NCK2: variants seen among roughly 807,000 people sequenced by gnomAD.
The protein encoded by NCK2 is NCK adaptor protein 2, also known as cytoplasmic protein NCK2.
NCK2 carries 16 observed loss-of-function variants against 33.9 expected under a neutral mutation model. The ratio of observed to expected loss-of-function variants is 0.47; its 90% CI spans 0.32 to 0.72. NCK2 has a LOEUF of 0.72. NCK2 is among the 30% of genes least tolerant of loss of function. The pLI, the probability that NCK2 is intolerant of heterozygous loss-of-function variation, is 0.03. For synonymous variants in NCK2, 273 were observed against 239.9 expected (o/e 1.14, Z -1.27); for missense variants, 418 against 537.3 (o/e 0.78, Z 2.19).
At chr2:105,832,872 T>C (rs1313818916) in intron 2 of NCK2, among the ~76,000 whole-genome samples, 2 of 151,718 alleles carry the variant, frequency 1.3e-5, no homozygotes, top group Non-Finnish European at 2.9e-5. Flanking sequence ...TTGTTTCGTT[T>C]CGTTTTTGTT....
At chr2:105,801,602 C>T (rs1415422132) in intron 1 of NCK2, among the ~76,000 whole-genome samples, 1 of 151,854 alleles carries the variant, frequency 6.6e-6, no homozygotes, top group Non-Finnish European at 1.5e-5. Context: ...GATGGTCTGA[C>T]CTGCATCCGC....
At chr2:105,803,127 C>T (rs1235166078) in intron 1 of NCK2, among the ~76,000 whole-genome samples, 1 of 152,040 alleles carries the variant, frequency 6.6e-6, no homozygotes, top group Non-Finnish European at 1.5e-5. Flanking sequence ...CTTGGGAAAG[C>T]AAGGTTAGGC....
At chr2:105,812,990 A>G (rs1207428598) in intron 1 of NCK2, among the ~76,000 whole-genome samples, 2 of 152,188 alleles carry the variant, frequency 1.3e-5, no homozygotes, top group East Asian at 3.9e-4. Flanking sequence ...GACAGATGGC[A>G]TCAGCAGATG....
chr2:105,765,284 T>G (rs1364806981), intron 1 of NCK2, among the ~76,000 whole-genome samples: 1 of 152,242 alleles, frequency 6.6e-6, no homozygotes, highest in Non-Finnish European at 1.5e-5. Flanking sequence ...CACTGCTGTT[T>G]TGAAAACAAA....
intron 3 of NCK2, among the ~76,000 whole-genome samples, chr2:105,880,450 A>G (rs1375421784): frequency 6.6e-6 from 1 of 152,184 alleles, no homozygotes; most frequent in African/African-American, 2.4e-5. Flanking sequence ...AGAAAGGTGA[A>G]GATGATGGGT....
intron 2 of NCK2, chr2:105,848,406 C>T (rs890322596): frequency 6.6e-6 from 1 of 152,144 alleles, no homozygotes. Flanking sequence ...GAGAGTTTAC[C>T]GGCAGCAGAT....
chr2:105,884,587 G>A (rs1478324251), intron 4 of NCK2, among the ~76,000 whole-genome samples: 2 of 152,192 alleles, frequency 1.3e-5, no homozygotes, highest in African/African-American at 4.8e-5. Context: ...GTGTAAATGA[G>A]CTAGACCCTT....
At chr2:105,884,232 T>G (rs969896101) in intron 4 of NCK2, among the ~76,000 whole-genome samples, 1 of 106,956 alleles carries the variant, frequency 9.3e-6, no homozygotes, top group African/African-American at 2.7e-5. Flanking sequence ...CCTTTGCTTG[T>G]TTTTTTCCCA....
rs1675777267 is a variant in NCK2 at position 105,822,439 on chromosome 2, A to G, written c.-17+5826A>G. On this transcript the variant is annotated intron_variant, in intron 2 of 4. Coordinates refer to ENST00000233154, the MANE Select transcript of NCK2 (RefSeq NM_003581.5). ...CAGGCCAGGGGACTTTGTATTTAAC[A>G]GCCACTTCCTGTGTGCTGAGGCCAT... 2.0e-5 allele frequency among the ~76,000 whole-genome samples: 3 copies of G among 152,112 alleles called. No homozygotes were observed. The Middle Eastern group carries it at 0.01, about 517-fold the overall frequency.
intron 1 of NCK2, among the ~76,000 whole-genome samples, chr2:105,768,547 C>G (rs970527222): frequency 6.6e-6 from 1 of 152,218 alleles, no homozygotes; most frequent in Admixed American, 6.5e-5. Flanking sequence ...TCACAGAACT[C>G]AGAAAGGCAC....
chr2:105,749,658 G>A (rs942032446), intron 1 of NCK2, among the ~76,000 whole-genome samples: 2 of 152,042 alleles, frequency 1.3e-5, no homozygotes, highest in Non-Finnish European at 2.9e-5. Flanking sequence ...CCTTTGCCGT[G>A]TCGCAGCTGT....
Position 105,776,354 on chromosome 2 carries a change from A to G in NCK2, c.-201+31216A>G, listed in dbSNP as rs142123150. 2.2e-4 allele frequency among the ~76,000 whole-genome samples: 33 copies of G among 152,350 alleles called. No homozygotes were observed. The East Asian group carries it at 6.2e-3, about 29-fold the overall frequency. Reference sequence around the variant, plus strand: ...TTCAACATCTTCTGGAAGCAGCCAAAGCACGTTTGGGGGAGGGAGTTCAGA... The same window carrying G: ...TTCAACATCTTCTGGAAGCAGCCAAGGCACGTTTGGGGGAGGGAGTTCAGA... On this transcript the variant is annotated intron_variant, in intron 1 of 4. Coordinates refer to ENST00000233154, the MANE Select transcript of NCK2 (RefSeq NM_003581.5).
At chr2:105,825,307 C>T (rs1017376006) in intron 2 of NCK2, among the ~76,000 whole-genome samples, 1 of 152,122 alleles carries the variant, frequency 6.6e-6, no homozygotes, top group Non-Finnish European at 1.5e-5. Flanking sequence ...CTTTCATTTG[C>T]GAGTTTTCAT....
chr2:105,770,024 G>T (rs564294905), intron 1 of NCK2, among the ~76,000 whole-genome samples: 1 of 151,654 alleles, frequency 6.6e-6, no homozygotes, highest in Non-Finnish European at 1.5e-5. Context: ...GGGTGATTGT[G>T]CAGAGTACAG....
At position 105,865,371 on chromosome 2, in the gene NCK2, G is replaced by A. The variant is rs72937737; in HGVS notation, c.226+10082G>A. Among the ~76,000 whole-genome samples, 504 of 152,290 alleles carry A rather than the reference G, an allele frequency of 3.3e-3. 2 individuals carry two copies. Among genetic ancestry groups the A allele is most frequent in the African/African-American group, 0.012 (483 of 41,572 alleles). The stretch of plus-strand genomic sequence containing the variant: ...TGAGGTGCCCAAGAACACACAGTAC[G>A]TGCTGGGACTGACATTTGAGCCCAG... On this transcript the variant is annotated intron_variant, in intron 3 of 4. Coordinates refer to ENST00000233154, the MANE Select transcript of NCK2 (RefSeq NM_003581.5).
At chr2:105,884,779 A>G (rs1382075486) in intron 4 of NCK2, among the ~76,000 whole-genome samples, 1 of 152,118 alleles carries the variant, frequency 6.6e-6, no homozygotes, top group African/African-American at 2.4e-5. Context: ...TTCAGTACCT[A>G]CTGCTTGTCC....
chr2:105,761,269 C>A (rs1303398388), intron 1 of NCK2, among the ~76,000 whole-genome samples: 1 of 152,100 alleles, frequency 6.6e-6, no homozygotes, highest in Non-Finnish European at 1.5e-5. Flanking sequence ...TGGGGAGGGT[C>A]TTGAAGTGGT....
intron 2 of NCK2, among the ~76,000 whole-genome samples, chr2:105,833,387 A>G (rs888509343): frequency 2.6e-5 from 4 of 152,118 alleles, no homozygotes; most frequent in Admixed American, 6.5e-5. Flanking sequence ...CACTGCACCC[A>G]GCCAGGTTTT....
chr2:105,812,678 A>G (rs1049925161), intron 1 of NCK2, among the ~76,000 whole-genome samples: 3 of 152,188 alleles, frequency 2.0e-5, no homozygotes, highest in African/African-American at 4.8e-5. Flanking sequence ...GAAAAGGACA[A>G]TTGCCTTAGC....
Sources: gnomAD v4.1 joint callset for allele counts (sites outside exome capture counted in the v4.1 genomes callset) on GRCh38, gnomAD v4.1.1 for gene constraint, MANE v1.5 for transcripts, NCBI Gene and HGNC (gene_info 2026-07-23, HGNC 2026-07-21) for gene names.